Variants in MORN1 observed in about 807,000 individuals in gnomAD.
The protein encoded by MORN1 is MORN repeat containing 1.
MORN1 carries 67 observed loss-of-function variants against 61.9 expected under a neutral mutation model. That is an observed-to-expected ratio of 1.08 (90% confidence interval 0.89 to 1.33). MORN1 has a LOEUF of 1.33. MORN1 is among the 40% of genes most tolerant of loss of function. The pLI is 0.00. For missense variants in MORN1, 752 were observed against 691.2 expected (o/e 1.09, Z -0.99); for synonymous variants, 301 against 292.0 (o/e 1.03, Z -0.31).
At chr1:2,362,274 G>A (rs966886125) in intron 8 of MORN1, among the ~76,000 whole-genome samples, 1 of 152,104 alleles carries the variant, frequency 6.6e-6, no homozygotes, top group African/African-American at 2.4e-5. Context: ...AAGTGGAAGT[G>A]GATTATCACA....
chr1:2,389,875 C>A (rs763631919), intron 2 of MORN1, 50 bp downstream of exon 2: 3 of 1,557,602 alleles, frequency 1.9e-6, no homozygotes, highest in South Asian at 1.1e-5. Flanking sequence ...AAACTGGTTT[C>A]GTCAGCTGTG....
chr1:2,325,768 C>A (rs35006635), intron 12 of MORN1, among the ~76,000 whole-genome samples: 34,806 of 150,606 alleles, frequency 0.23, 6,056 homozygotes, highest in African/African-American at 0.48. Flanking sequence ...ATTACAGGCA[C>A]GTGCCATCAT....
chr1:2,366,013 A>G (rs1471030436), intron 8 of MORN1, among the ~76,000 whole-genome samples: 1 of 146,606 alleles, frequency 6.8e-6, no homozygotes, highest in Non-Finnish European at 1.5e-5. Context: ...TGCTGCTATA[A>G]AGACACATGC....
chr1:2,344,666 C>T (rs967597059), intron 10 of MORN1, among the ~76,000 whole-genome samples: 2 of 152,210 alleles, frequency 1.3e-5, no homozygotes, highest in South Asian at 2.1e-4. Context: ...CTGGGGGCCT[C>T]GTCCCTGCGC....
chr1:2,341,899 T>C (rs1347211104), intron 10 of MORN1, among the ~76,000 whole-genome samples: 1 of 152,150 alleles, frequency 6.6e-6, no homozygotes, highest in Non-Finnish European at 1.5e-5. Context: ...ACACATTCTG[T>C]GATGGATGTG....
chr1:2,358,974 C>T (rs1414365527), intron 8 of MORN1, among the ~76,000 whole-genome samples: 2 of 152,156 alleles, frequency 1.3e-5, no homozygotes, highest in Non-Finnish European at 1.5e-5. Flanking sequence ...TACCCCTGTA[C>T]CCCTTGCCTC....
rs530955368 is a variant in MORN1, at chr1:2,371,857, G to A, written c.745+624C>T. ...CGGGAGGCGGAGGTTGCGGAGAGCC[G>A]ACATTGCACCACTGCACTCCAGCCT... On this transcript the variant is annotated intron_variant, in intron 8 of 13. Transcript: ENST00000378531. 1.1e-4 allele frequency: 19 copies of A among 171,702 alleles called. No homozygotes were observed. In the South Asian group the frequency reaches 1.4e-3, roughly 12 times the overall value. The allele number at this position is 171,702 out of a possible 1,614,324, so 10.6% of individuals were successfully genotyped here.
intron 8 of MORN1, among the ~76,000 whole-genome samples, chr1:2,370,566 C>T (rs533725371): frequency 5.3e-5 from 8 of 152,030 alleles, no homozygotes; most frequent in South Asian, 2.1e-4. Flanking sequence ...CGTAGGTGGA[C>T]GGAAAGCATT....
At chr1:2,382,578 G>A (rs974213324) in intron 6 of MORN1, among the ~76,000 whole-genome samples, 2 of 152,174 alleles carry the variant, frequency 1.3e-5, no homozygotes, top group African/African-American at 4.8e-5. Flanking sequence ...GGAAGGGGCG[G>A]GCAGAAGAGA....
chr1:2,363,805 C>CAAAA (rs1553217338), intron 8 of MORN1, among the ~76,000 whole-genome samples: 40 of 124,884 alleles, frequency 3.2e-4, no homozygotes, highest in African/African-American at 1.2e-3. Context: ...AACAAACAAA[C>CAAAA]AAAAAAATAT....
chr1:2,355,335 C>T (rs993054567), intron 10 of MORN1: 6 of 1,509,012 alleles, frequency 4.0e-6, no homozygotes, highest in South Asian at 1.3e-5. Flanking sequence ...CGTGGAGTGG[C>T]GCCGGGCCCT....
chr1:2,370,510 A>G (rs1642091319), intron 8 of MORN1, among the ~76,000 whole-genome samples: 1 of 152,122 alleles, frequency 6.6e-6, no homozygotes, highest in South Asian at 2.1e-4. Context: ...AAAATGAAAA[A>G]CTTTTGCTGT....
intron 12 of MORN1, among the ~76,000 whole-genome samples, chr1:2,333,503 AAGTT>A (rs1641202715): frequency 6.6e-6 from 1 of 152,160 alleles, no homozygotes; most frequent in Non-Finnish European, 1.5e-5. Flanking sequence ...CTGCAGAACA[AAGTT>A]GTCAGTCACA....
chr1:2,345,614 G>A (rs891087565), intron 10 of MORN1, among the ~76,000 whole-genome samples: 3 of 152,172 alleles, frequency 2.0e-5, no homozygotes, highest in African/African-American at 4.8e-5. Context: ...AGACGGAGAC[G>A]AAGGCACCCT....
At chr1:2,383,232 G>C (rs1031900481) in intron 6 of MORN1, among the ~76,000 whole-genome samples, 1 of 152,212 alleles carries the variant, frequency 6.6e-6, no homozygotes, top group African/African-American at 2.4e-5. Flanking sequence ...AGAACAAGGC[G>C]GGACTGTGGG....
At chr1:2,330,006 C>A (rs984677447) in intron 12 of MORN1, among the ~76,000 whole-genome samples, 3 of 152,160 alleles carry the variant, frequency 2.0e-5, no homozygotes, top group African/African-American at 7.2e-5. Context: ...TGAGGGGGGA[C>A]CCTGGCCTGT....
In MORN1 at chr1:2,372,874, G is replaced by A. The variant is rs1642152990; in HGVS notation, c.635-283C>T. On this transcript the variant is annotated intron_variant, in intron 7 of 13. Coordinates refer to ENST00000378531, the MANE Select transcript of MORN1 (RefSeq NM_024848.3). This position sits in a 1 kb window ranked among gnomAD's most constrained non-coding sequence, Gnocchi z 5.4. ...ACGGAGCATGCAAGAGACACAAGTG[G>A]GCGGTGTGGGGCTGTTGGGTTTTCC... Among the ~76,000 whole-genome samples the A allele has an allele frequency of 6.6e-6, 1 of 152,250 alleles. No homozygotes were observed. Among genetic ancestry groups the A allele is most frequent in the African/African-American group, 2.4e-5 (1 of 41,468 alleles).
intron 13 of MORN1, chr1:2,322,034 G>A (rs1569894342): frequency 3.0e-6 from 3 of 985,318 alleles, no homozygotes; most frequent in East Asian, 2.3e-4. Flanking sequence ...CCCTCTGAAG[G>A]CTGGTGTGTC....
intron 12 of MORN1, chr1:2,332,851 GC>G: frequency 2.5e-6 from 1 of 394,808 alleles, no homozygotes; most frequent in Non-Finnish European, 5.1e-6. Context: ...TCTCAGAGGG[GC>G]CCCCAGGCTG....
Sources: allele counts gnomAD v4.1 joint callset (sites outside exome capture counted in the v4.1 genomes callset), GRCh38; gene constraint gnomAD v4.1.1; non-coding constraint Gnocchi (gnomAD v3.1); transcripts MANE v1.5; gene names NCBI Gene and HGNC (gene_info 2026-07-23, HGNC 2026-07-21).